The following NDST3 variants were observed in gnomAD, a reference collection of about 807,000 sequenced individuals.
The protein encoded by NDST3 is N-deacetylase and N-sulfotransferase 3, also known as bifunctional heparan sulfate N-deacetylase/N-sulfotransferase 3.
Under a neutral mutation model 96.1 loss-of-function variants are expected in NDST3, and 58 were observed. The observed-to-expected ratio is 0.60, with a 90% CI of 0.49 to 0.75. The LOEUF (loss-of-function observed/expected upper bound fraction) is 0.75, where lower values mean the gene tolerates loss of function less well. Among genes scored for constraint, NDST3 ranks in the 30% least tolerant of loss-of-function variants. The pLI is 0.00. For synonymous variants in NDST3, 333 were observed against 359.7 expected, an observed-to-expected ratio of 0.93 and a Z score of 0.84; for missense variants, 788 against 1,034.2, an observed-to-expected ratio of 0.76 and a Z score of 3.27.
intron 2 of NDST3, among the ~76,000 whole-genome samples, chr4:118,067,097 T>C (rs1469941035): frequency 1.3e-5 from 2 of 150,896 alleles, no homozygotes; most frequent in African/African-American, 4.9e-5. Flanking sequence ...GACAATAAAA[T>C]GAAGATTAGA....
chr4:118,077,597 G>A (rs1054097258), intron 2 of NDST3, among the ~76,000 whole-genome samples: 2 of 152,132 alleles, frequency 1.3e-5, no homozygotes, highest in African/African-American at 4.8e-5. Flanking sequence ...CTCAGGCAGG[G>A]ACCACGTTTG....
chr4:118,143,526 T>C, intron 5 of NDST3, 30 bp from the exon 6 acceptor site: 1 of 1,582,972 alleles, frequency 6.3e-7, no homozygotes, highest in South Asian at 1.2e-5. Context: ...AAAAAAAAGC[T>C]TTTCCTTACT....
intron 4 of NDST3, among the ~76,000 whole-genome samples, chr4:118,121,311 A>G (rs1316947154): frequency 6.6e-6 from 1 of 152,162 alleles, no homozygotes. Context: ...CAATTGTTTC[A>G]CATCTATTTT....
chr4:118,082,457 T>C (rs1728099594), intron 2 of NDST3, among the ~76,000 whole-genome samples: 1 of 152,214 alleles, frequency 6.6e-6, no homozygotes, highest in African/African-American at 2.4e-5. Flanking sequence ...GAGTGCCAGA[T>C]GATACCTGCA....
chr4:118,051,550 T>G (rs915401267), intron 1 of NDST3, among the ~76,000 whole-genome samples: 1 of 151,624 alleles, frequency 6.6e-6, no homozygotes, highest in Non-Finnish European at 1.5e-5. Context: ...GAAACTTAAA[T>G]CAATAAGAAA....
At chr4:118,159,626 C>T (rs72909186) in intron 6 of NDST3, among the ~76,000 whole-genome samples, 24,491 of 151,808 alleles carry the variant, frequency 0.16, 2,115 homozygotes, top group South Asian at 0.23. Flanking sequence ...AATTACCTGA[C>T]GAGAATTCAA....
In NDST3 at chr4:118,121,651, C is replaced by A. The variant is rs971890911; in HGVS notation, c.1224+6691C>A. Among the ~76,000 whole-genome samples, 2 of 150,836 alleles carry A rather than the reference C, an allele frequency of 1.3e-5. 1 individual carries two copies. The highest frequency in any genetic ancestry group is 1.3e-4 in the Admixed American group (2 of 14,900). Reference sequence around the variant, plus strand: ...GTGAAAAGTATTTCTGACATAGATTCAATAAGTTTTTAATCAGATGGATGA... The same window carrying A: ...GTGAAAAGTATTTCTGACATAGATTAAATAAGTTTTTAATCAGATGGATGA... On this transcript the variant is annotated intron_variant, in intron 4 of 13. Coordinates refer to ENST00000296499, the MANE Select transcript of NDST3 (RefSeq NM_004784.3).
At chr4:118,249,246 G>A (rs886998275) in intron 12 of NDST3, among the ~76,000 whole-genome samples, 13 of 152,194 alleles carry the variant, frequency 8.5e-5, no homozygotes, top group Middle Eastern at 3.4e-3. Flanking sequence ...TCTACAGCAA[G>A]GTATATTAGC....
At chr4:118,118,703 A>G (rs1390741627) in intron 4 of NDST3, among the ~76,000 whole-genome samples, 1 of 152,232 alleles carries the variant, frequency 6.6e-6, no homozygotes, top group Non-Finnish European at 1.5e-5. Context: ...GTTACCAAAT[A>G]TAGGATAATT....
intron 2 of NDST3, among the ~76,000 whole-genome samples, chr4:118,083,423 T>C (rs1728174536): frequency 6.6e-6 from 1 of 152,210 alleles, no homozygotes; most frequent in South Asian, 2.1e-4. Context: ...ATAGTCCATG[T>C]AGAATGCTTA....
chr4:118,116,821 G>A (rs28723489), intron 4 of NDST3, among the ~76,000 whole-genome samples: 4,586 of 151,372 alleles, frequency 0.03, 257 homozygotes, highest in African/African-American at 0.11. Flanking sequence ...TTGCACCACT[G>A]CACTCCAGCC....
chr4:118,171,781 T>G (rs1735969712), intron 6 of NDST3, among the ~76,000 whole-genome samples: 1 of 152,178 alleles, frequency 6.6e-6, no homozygotes, highest in Non-Finnish European at 1.5e-5. Flanking sequence ...GGGCCCTCTC[T>G]GTTTTCCAAA....
chr4:118,221,226 C>A (rs4833567), intron 6 of NDST3, among the ~76,000 whole-genome samples: 122,759 of 151,934 alleles, frequency 0.81, 52,160 homozygotes, highest in South Asian at 0.95. Context: ...TTTGCTGTAA[C>A]CTCTCTTCTA....
intron 7 of NDST3, 47 bp downstream of exon 7, chr4:118,224,720 T>C: frequency 6.9e-7 from 1 of 1,449,138 alleles, no homozygotes; most frequent in Non-Finnish European, 9.2e-7. Context: ...TCCAGGAACA[T>C]AATTCTGTGA....
intron 6 of NDST3, chr4:118,193,689 C>T: frequency 7.6e-7 from 1 of 1,308,120 alleles, no homozygotes; most frequent in Non-Finnish European, 1.1e-6. Context: ...TCATTCACAG[C>T]CAGGTGGGCC....
chr4:118,067,500 T>C (rs1726687882), intron 2 of NDST3, among the ~76,000 whole-genome samples: 2 of 152,128 alleles, frequency 1.3e-5, no homozygotes, highest in South Asian at 4.1e-4. Flanking sequence ...ACTGTCCTGC[T>C]AGAAGCATAT....
chr4:118,118,413 T>C (rs999158270), intron 4 of NDST3, among the ~76,000 whole-genome samples: 1 of 152,210 alleles, frequency 6.6e-6, no homozygotes, highest in Non-Finnish European at 1.5e-5. Flanking sequence ...TTTCCGAGAC[T>C]GTGATCTAAA....
At chr4:118,193,178 T>C (rs1737426458) in intron 6 of NDST3, among the ~76,000 whole-genome samples, 1 of 152,038 alleles carries the variant, frequency 6.6e-6, no homozygotes, top group African/African-American at 2.4e-5. Flanking sequence ...TGGACATATG[T>C]TCATGTGCAA....
intron 2 of NDST3, among the ~76,000 whole-genome samples, chr4:118,059,968 G>T (rs1250329334): frequency 6.6e-6 from 1 of 151,906 alleles, no homozygotes; most frequent in Admixed American, 6.6e-5. Flanking sequence ...GCATGTATCT[G>T]CTTGATCCCA....
Sources: gnomAD v4.1 joint callset for allele counts (sites outside exome capture counted in the v4.1 genomes callset) on GRCh38, gnomAD v4.1.1 for gene constraint, MANE v1.5 for transcripts, NCBI Gene and HGNC (gene_info 2026-07-23, HGNC 2026-07-21) for gene names.